Variants in BCL2L13 observed in about 807,000 individuals in gnomAD.
BCL2L13 encodes bcl-2-like protein 13.
In BCL2L13, 13 loss-of-function variants were observed where a neutral mutation model predicts 25.8. That is an observed-to-expected ratio of 0.50 (90% CI 0.33 to 0.80). The LOEUF (loss-of-function observed/expected upper bound fraction) is 0.80. Among genes scored for constraint, BCL2L13 ranks in the 30% least tolerant of loss-of-function variants. The pLI is 0.02. For synonymous variants in BCL2L13, 244 were observed against 230.3 expected (o/e 1.06, Z -0.54); for missense variants, 504 against 574.9 (o/e 0.88, Z 1.26).
At chr22:17,714,557 A>T (rs113037412) in intron 6 of BCL2L13, among the ~76,000 whole-genome samples, 9 of 152,348 alleles carry the variant, frequency 5.9e-5, no homozygotes, top group African/African-American at 2.2e-4. Flanking sequence ...TTTGTTGAAA[A>T]GCAGCAAGGA....
intron 2 of BCL2L13, among the ~76,000 whole-genome samples, chr22:17,678,656 TA>T (rs1568962250): frequency 6.6e-6 from 1 of 152,248 alleles, no homozygotes; most frequent in Non-Finnish European, 1.5e-5. Flanking sequence ...AAATGTTTAC[TA>T]CCGTGCCTGT....
chr22:17,703,355 A>G (rs188041510), intron 6 of BCL2L13: 27 of 152,314 alleles, frequency 1.8e-4, no homozygotes, highest in Admixed American at 1.2e-3. Flanking sequence ...CTAATTATTT[A>G]CTAAGAGAGA....
chr22:17,633,611 G>A (rs1307529020), upstream of BCL2L13, among the ~76,000 whole-genome samples: 1 of 152,160 alleles, frequency 6.6e-6, no homozygotes, highest in Non-Finnish European at 1.5e-5. Flanking sequence ...TGAATCAGCA[G>A]GATAAATAAG....
intron 6 of BCL2L13, among the ~76,000 whole-genome samples, chr22:17,710,057 G>A (rs1289671197): frequency 2.1e-5 from 2 of 93,160 alleles, no homozygotes; most frequent in African/African-American, 9.7e-5. Context: ...GTAACAGTAA[G>A]ACCTTGTCTT....
Position 17,655,735 on chromosome 22 carries a change from T to G in BCL2L13, c.24T>G (p.Pro8=). 6.2e-7 allele frequency: 1 copy of G among 1,613,540 alleles called. No homozygotes were observed. Among genetic ancestry groups the G allele is most frequent in the Non-Finnish European group, 8.5e-7 (1 of 1,179,722 alleles). Residue 8 remains proline, a synonymous_variant, in exon 2 of 7, where the codon CCT becomes CCG. Transcript: ENST00000317582. MASSSTV[P]LGFHYETKYV... The stretch of plus-strand genomic sequence containing the variant: ...CAATGGCGTCCTCTTCTACTGTGCC[T>G]CTGGGATTTCACTATGAAACAAAGT...
chr22:17,682,956 A>C, intron 2 of BCL2L13, among the ~76,000 whole-genome samples: 1 of 152,010 alleles, frequency 6.6e-6, no homozygotes, highest in East Asian at 1.9e-4. Flanking sequence ...ACATAGTGAA[A>C]CCTGTCTCTA....
Position 17,683,318 on chromosome 22 carries a change from G to T in BCL2L13, c.226G>T (p.Glu76Ter). 1 of 1,515,008 alleles carries T rather than the reference G, an allele frequency of 6.6e-7. No homozygotes were observed. The highest frequency in any genetic ancestry group is 1.2e-5 in the South Asian group (1 of 84,304). The allele number at this position is 1,515,008 out of a possible 1,614,324, so 93.8% of individuals were successfully genotyped here. The change falls in exon 3 of 7, where the codon GAA (glutamate) becomes TAA (stop). Residue 76 changes from glutamate (E) to a stop codon, truncating the protein, a stop_gained. Coordinates refer to ENST00000317582, the MANE Select transcript of BCL2L13 (RefSeq NM_015367.4). LOFTEE classifies it high-confidence loss of function. ...ELKSLDKEIS[E>*]AFTSTGFDRH... is the part of the protein sequence containing the mutation. ...AAAATCTCTGGACAAAGAAATTTCTGAAGGTCTGTTTATTCTTATTTTTCT... is the reference window on the plus strand; with the variant it reads ...AAAATCTCTGGACAAAGAAATTTCTTAAGGTCTGTTTATTCTTATTTTTCT...
chr22:17,658,151 T>A (rs2058947251), intron 2 of BCL2L13, among the ~76,000 whole-genome samples: 1 of 152,062 alleles, frequency 6.6e-6, no homozygotes, highest in Non-Finnish European at 1.5e-5. Context: ...TCACCCTTTC[T>A]TCATCTCTCT....
intron 6 of BCL2L13, among the ~76,000 whole-genome samples, chr22:17,708,335 A>AGC (rs1229707852): frequency 6.6e-6 from 1 of 152,228 alleles, no homozygotes. Context: ...GAGGTAGGAC[A>AGC]GCATAGTTGG....
rs145337724 is a variant in BCL2L13 at position 17,674,377 on chromosome 22, C to T, written c.122-8837C>T. On this transcript the variant is annotated intron_variant, in intron 2 of 6. Coordinates refer to ENST00000317582, the MANE Select transcript of BCL2L13 (RefSeq NM_015367.4). ...GCTTACGCACTTTGGGAGGCTGAGG[C>T]GGGCGGATCACAAGGTCAGGAGTTC... Among the ~76,000 whole-genome samples the T allele has an allele frequency of 4.4e-3, 665 of 152,026 alleles. 8 individuals carry two copies. The highest frequency in any genetic ancestry group is 0.015 in the African/African-American group (622 of 41,488).
At chr22:17,649,596 G>T (rs565518042) in intron 1 of BCL2L13, among the ~76,000 whole-genome samples, 2 of 151,252 alleles carry the variant, frequency 1.3e-5, no homozygotes, top group East Asian at 2.0e-4. Flanking sequence ...TCTGCCTCCC[G>T]GGTTCAAGTG....
rs570642203 is a variant in BCL2L13 at position 17,719,273 on chromosome 22, A to C, written c.601-7404A>C. Among the ~76,000 whole-genome samples the C allele has an allele frequency of 4.6e-5, 7 of 152,270 alleles. 1 individual carries two copies. Among genetic ancestry groups the C allele is most frequent in the Admixed American group, 4.6e-4 (7 of 15,300 alleles). The stretch of plus-strand genomic sequence containing the variant: ...CACGTCATTCTAAAGAAAATGTACA[A>C]ATGGCCAATTAGCACATGAAAAGAT... On this transcript the variant is annotated intron_variant, in intron 6 of 6. Coordinates refer to ENST00000317582, the MANE Select transcript of BCL2L13 (RefSeq NM_015367.4).
chr22:17,661,494 C>A (rs1349596490), intron 2 of BCL2L13, among the ~76,000 whole-genome samples: 1 of 146,066 alleles, frequency 6.8e-6, no homozygotes, highest in Non-Finnish European at 1.6e-5. Context: ...AAAGGTTGAA[C>A]CTCTGTCCCG....
At chr22:17,644,734 C>T (rs1166436510) in intron 1 of BCL2L13, among the ~76,000 whole-genome samples, 1 of 150,636 alleles carries the variant, frequency 6.6e-6, no homozygotes, top group East Asian at 1.9e-4. Flanking sequence ...GGTTTTCGTT[C>T]TGTGAGGTTA....
At chr22:17,660,212 G>T (rs892699201) in intron 2 of BCL2L13, among the ~76,000 whole-genome samples, 1 of 146,534 alleles carries the variant, frequency 6.8e-6, no homozygotes, top group Non-Finnish European at 1.6e-5. Context: ...TTGTGGGATG[G>T]AAAATACTGT....
intron 1 of BCL2L13, 141 bp downstream of exon 1, chr22:17,639,027 C>T: frequency 1.5e-6 from 1 of 678,618 alleles, no homozygotes; most frequent in Non-Finnish European, 2.1e-6. Flanking sequence ...TGTGTGTCTA[C>T]ACCGGCGCTC....
At chr22:17,648,394 C>T (rs571983564) in intron 1 of BCL2L13, among the ~76,000 whole-genome samples, 1 of 152,054 alleles carries the variant, frequency 6.6e-6, no homozygotes, top group African/African-American at 2.4e-5. Flanking sequence ...CAACTGGAAG[C>T]TCAAGCTAAA....
upstream of BCL2L13, among the ~76,000 whole-genome samples, chr22:17,635,260 G>A (rs1231966211): frequency 2.6e-5 from 4 of 151,624 alleles, no homozygotes; most frequent in Admixed American, 1.3e-4. Context: ...AAAAAGGGCC[G>A]GGTGTGGTAG....
chr22:17,662,100 A>T (rs1318702544), intron 2 of BCL2L13, among the ~76,000 whole-genome samples: 1 of 152,108 alleles, frequency 6.6e-6, no homozygotes, highest in Non-Finnish European at 1.5e-5. Context: ...TATATTTCTG[A>T]TAGAGTTTTT....
Sources: allele counts gnomAD v4.1 joint callset (sites outside exome capture counted in the v4.1 genomes callset), GRCh38; gene constraint gnomAD v4.1.1; transcripts MANE v1.5; gene names NCBI Gene and HGNC (gene_info 2026-07-23, HGNC 2026-07-21).